Variants in ARHGAP10 observed in about 807,000 individuals in gnomAD.
ARHGAP10 encodes Rho GTPase activating protein 10.
Under a neutral mutation model 108.6 loss-of-function variants are expected in ARHGAP10, and 87 were observed. The ratio of observed to expected loss-of-function variants is 0.80; its 90% CI spans 0.67 to 0.96. The LOEUF (loss-of-function observed/expected upper bound fraction) is 0.96. ARHGAP10 is among the 40% of genes least tolerant of loss of function. The pLI is 0.00. For synonymous variants in ARHGAP10, 347 were observed against 341.1 expected (o/e 1.02, Z -0.19); for missense variants, 939 against 954.5 (o/e 0.98, Z 0.21).
chr4:147,783,218 A>C (rs1010053642), intron 1 of ARHGAP10, among the ~76,000 whole-genome samples: 5 of 144,796 alleles, frequency 3.5e-5, no homozygotes, highest in African/African-American at 1.0e-4. Flanking sequence ...ACATTAAATT[A>C]TGTATTGTAT....
At chr4:147,858,775 C>G (rs1302808409) in intron 5 of ARHGAP10, among the ~76,000 whole-genome samples, 2 of 152,172 alleles carry the variant, frequency 1.3e-5, no homozygotes, top group Non-Finnish European at 2.9e-5. Context: ...TGTGTTTGCT[C>G]TCACCTCCAT....
chr4:147,853,793 T>C (rs1733974563), intron 4 of ARHGAP10, among the ~76,000 whole-genome samples: 1 of 152,168 alleles, frequency 6.6e-6, no homozygotes, highest in African/African-American at 2.4e-5. Flanking sequence ...CTTTTTTGCT[T>C]AGAAGATCCT....
At chr4:148,013,177 A>G (rs868647516) in intron 18 of ARHGAP10, among the ~76,000 whole-genome samples, 1 of 152,234 alleles carries the variant, frequency 6.6e-6, no homozygotes, top group Non-Finnish European at 1.5e-5. Flanking sequence ...CTTTCAAAAC[A>G]TGGATTTACT....
intron 10 of ARHGAP10, 49 bp from the exon 11 acceptor site, chr4:147,906,589 G>A: frequency 3.2e-6 from 5 of 1,586,604 alleles, no homozygotes; most frequent in Non-Finnish European, 4.3e-6. Flanking sequence ...GGAAAAACTT[G>A]CCTTTTAGTG....
At chr4:147,818,260 C>T (rs552181864) in intron 1 of ARHGAP10, among the ~76,000 whole-genome samples, 85 of 151,034 alleles carry the variant, frequency 5.6e-4, no homozygotes, top group Non-Finnish European at 1.0e-3. Context: ...GTAGAGCAGG[C>T]GCTCAATAAA....
At chr4:147,976,730 A>C (rs114586724) in intron 18 of ARHGAP10, among the ~76,000 whole-genome samples, 1 of 152,116 alleles carries the variant, frequency 6.6e-6, no homozygotes, top group East Asian at 1.9e-4. Context: ...TTCTGCTGTC[A>C]TGTGGCTCTG....
At chr4:147,816,206 A>G (rs1732240208) in intron 1 of ARHGAP10, among the ~76,000 whole-genome samples, 1 of 151,908 alleles carries the variant, frequency 6.6e-6, no homozygotes, top group Admixed American at 6.6e-5. Context: ...GCATTTGTGG[A>G]ATGTTTAGGG....
At chr4:147,836,818 C>A (rs1733188327) in intron 3 of ARHGAP10, among the ~76,000 whole-genome samples, 1 of 150,328 alleles carries the variant, frequency 6.7e-6, no homozygotes, top group East Asian at 1.9e-4. Flanking sequence ...GTTACAATTG[C>A]TTCAAGTATG....
At chr4:147,830,683 C>T (rs914805582) in intron 3 of ARHGAP10, among the ~76,000 whole-genome samples, 1 of 152,022 alleles carries the variant, frequency 6.6e-6, no homozygotes, top group African/African-American at 2.4e-5. Context: ...CCACACCCAG[C>T]TAATTTTTGT....
At chr4:148,001,603 A>G (rs1414676659) in intron 18 of ARHGAP10, among the ~76,000 whole-genome samples, 5 of 149,990 alleles carry the variant, frequency 3.3e-5, no homozygotes, top group Non-Finnish European at 7.4e-5. Flanking sequence ...GCAGTGCTTT[A>G]TAGTTCTCCT....
chr4:147,759,213 T>C (rs1368066093), intron 1 of ARHGAP10, among the ~76,000 whole-genome samples: 1 of 152,186 alleles, frequency 6.6e-6, no homozygotes, highest in Non-Finnish European at 1.5e-5. Context: ...CTTACCAGTT[T>C]TATCTGAGAA....
chr4:148,000,497 C>T (rs1433724055), intron 18 of ARHGAP10, among the ~76,000 whole-genome samples: 1 of 152,206 alleles, frequency 6.6e-6, no homozygotes, highest in Non-Finnish European at 1.5e-5. Context: ...TGAGGAATCG[C>T]CATACTGTCT....
rs936294945 is a variant in ARHGAP10 at position 147,732,200 on chromosome 4, C to T, written c.-102C>T. 6.3e-6 allele frequency: 8 copies of T among 1,268,688 alleles called. No homozygotes were observed. In the Admixed American group the frequency reaches 1.2e-4, roughly 19 times the overall value. 78.6% of individuals were successfully genotyped at this position (1,268,688 alleles called of 1,614,324 possible). ...CGCGCGCCCGGGCCTGCTAGCTCCT[C>T]TGTGCTCCCTGAACGCGCGGCGCCG... On this transcript the variant is annotated 5_prime_UTR_variant, in exon 1 of 23. Coordinates refer to ENST00000336498, the MANE Select transcript of ARHGAP10 (RefSeq NM_024605.4).
At chr4:147,735,692 T>C (rs919257311) in intron 1 of ARHGAP10, among the ~76,000 whole-genome samples, 18 of 151,560 alleles carry the variant, frequency 1.2e-4, no homozygotes, top group Non-Finnish European at 1.9e-4. Context: ...GTGTGTAGGG[T>C]GAAGTTGGGG....
At chr4:147,839,100 C>CG (rs1733296224) in intron 3 of ARHGAP10, among the ~76,000 whole-genome samples, 2 of 65,780 alleles carry the variant, frequency 3.0e-5, no homozygotes, top group South Asian at 1.1e-3. Context: ...TCGTATCTAT[C>CG]TATCTATCTA....
rs369119840 is a variant in ARHGAP10, at chr4:147,840,289, C to G, written c.313-6862C>G. Among the ~76,000 whole-genome samples the G allele has an allele frequency of 2.5e-4, 38 of 152,222 alleles. No individual in the cohort carries two copies. In the South Asian group the frequency reaches 7.5e-3, roughly 30 times the overall value. On this transcript the variant is annotated intron_variant, in intron 3 of 22. Transcript: ENST00000336498. ...TACCCATCAAACCTGGCTTTGCTCC[C>G]TTTAAGCAAATCAGAATGATTTTTT...
chr4:147,748,881 T>C (rs4835094), intron 1 of ARHGAP10, among the ~76,000 whole-genome samples: 151,909 of 152,228 alleles, frequency 1, 75,799 homozygotes, highest in East Asian at 1. Context: ...ATTGCTTGAA[T>C]CCGGGAGATT....
chr4:147,912,511 C>T (rs1304205504), intron 12 of ARHGAP10, among the ~76,000 whole-genome samples: 1 of 143,060 alleles, frequency 7.0e-6, no homozygotes, highest in Non-Finnish European at 1.5e-5. Flanking sequence ...AGTAAGACTC[C>T]CTCTCAAAAC....
chr4:147,959,182 A>C (rs1409212301), intron 16 of ARHGAP10, among the ~76,000 whole-genome samples: 1 of 152,142 alleles, frequency 6.6e-6, no homozygotes, highest in Non-Finnish European at 1.5e-5. Context: ...CTGATGATTA[A>C]TGTCAAAACA....
Sources: gnomAD v4.1 joint callset for allele counts (sites outside exome capture counted in the v4.1 genomes callset) on GRCh38, gnomAD v4.1.1 for gene constraint, MANE v1.5 for transcripts, NCBI Gene and HGNC (gene_info 2026-07-23, HGNC 2026-07-21) for gene names.